OPCML: variants seen among roughly 807,000 people sequenced by gnomAD.
OPCML encodes opioid-binding protein/cell adhesion molecule.
A neutral mutation model predicts 37.8 loss-of-function variants in OPCML; 13 were observed. The observed-to-expected ratio is 0.34, with a 90% CI of 0.22 to 0.55. The LOEUF (loss-of-function observed/expected upper bound fraction) is 0.55, where lower values mean the gene tolerates loss of function less well. Ranked by LOEUF, OPCML falls within the 20% of genes least tolerant of loss-of-function variation. OPCML has a pLI of 0.91. For synonymous variants in OPCML, 176 were observed against 168.8 expected, an observed-to-expected ratio of 1.04 and a Z score of -0.33; for missense variants, 341 against 435.6, an observed-to-expected ratio of 0.78 and a Z score of 1.93.
At chr11:132,571,938 A>T (rs75823008) in intron 3 of OPCML, among the ~76,000 whole-genome samples, 8,071 of 152,126 alleles carry the variant, frequency 0.053, 421 homozygotes, top group African/African-American at 0.12. Context: ...TATTTATTTT[A>T]AAAAAATTGT....
At chr11:133,150,945 G>T (rs181835605) in intron 1 of OPCML, among the ~76,000 whole-genome samples, 2 of 152,122 alleles carry the variant, frequency 1.3e-5, no homozygotes, top group Non-Finnish European at 2.9e-5. Context: ...AACCCTTCTA[G>T]AAAGAGAGTG....
chr11:133,430,701 C>T (rs1021636564), intron 1 of OPCML, among the ~76,000 whole-genome samples: 2 of 152,184 alleles, frequency 1.3e-5, no homozygotes, highest in Non-Finnish European at 2.9e-5. Flanking sequence ...AGGGAAAGTT[C>T]AGCAAATATC....
chr11:133,035,261 T>C (rs549756546), intron 1 of OPCML, among the ~76,000 whole-genome samples: 35 of 152,334 alleles, frequency 2.3e-4, no homozygotes, highest in Non-Finnish European at 4.4e-4. Context: ...TGCCTCTTCC[T>C]AGAGAAACTT....
intron 1 of OPCML, among the ~76,000 whole-genome samples, chr11:133,202,815 G>T (rs1938857313): frequency 6.6e-6 from 1 of 152,148 alleles, no homozygotes; most frequent in Non-Finnish European, 1.5e-5. Flanking sequence ...GACATCTCTG[G>T]GTGTGCTTCT....
intron 7 of OPCML, among the ~76,000 whole-genome samples, chr11:132,426,101 A>G (rs896790767): frequency 6.6e-6 from 1 of 152,220 alleles, no homozygotes; most frequent in African/African-American, 2.4e-5. Flanking sequence ...TATAAGCTGA[A>G]ATGAAGATGC....
intron 1 of OPCML, among the ~76,000 whole-genome samples, chr11:133,433,251 C>CAAAAAAAAAAAAAAAAAAAAAAAAAAAAA (rs71477795): frequency 3.3e-5 from 3 of 90,732 alleles, no homozygotes; most frequent in African/African-American, 1.4e-4. Flanking sequence ...GACTCCGTCT[C>CAAAAAAAAAAAAAAAAAAAAAAAAAAAAA]AAAAAAAAAA....
At chr11:132,637,039 C>T (rs1158178132) in intron 3 of OPCML, among the ~76,000 whole-genome samples, 1 of 152,104 alleles carries the variant, frequency 6.6e-6, no homozygotes, top group Non-Finnish European at 1.5e-5. Flanking sequence ...CATCAACTAG[C>T]CAAGCATTTA....
At chr11:133,270,753 A>G (rs1941805148) in intron 1 of OPCML, among the ~76,000 whole-genome samples, 1 of 152,176 alleles carries the variant, frequency 6.6e-6, no homozygotes, top group African/African-American at 2.4e-5. Flanking sequence ...TTGTTCCTAT[A>G]TATCCTAACA....
chr11:133,266,162 A>G (rs1198252611), intron 1 of OPCML, among the ~76,000 whole-genome samples: 1 of 152,216 alleles, frequency 6.6e-6, no homozygotes, highest in Non-Finnish European at 1.5e-5. Context: ...ACAAGGCAAT[A>G]TAAGTCTTTA....
At position 132,691,266 on chromosome 11, in the gene OPCML, C is replaced by T. The variant is rs563864914; in HGVS notation, c.147-33947G>A. On this transcript the variant is annotated intron_variant, in intron 2 of 7. Coordinates refer to ENST00000524381, the MANE Select transcript of OPCML (RefSeq NM_001012393.5). ...ATTCAATGGCAAGAAGATATTTTTG[C>T]TCACTGTTGATACCTCCTGACCTCC... Among the ~76,000 whole-genome samples the T allele has an allele frequency of 1.2e-4, 18 of 152,302 alleles. No homozygotes were observed. The South Asian group carries it at 1.7e-3, about 14-fold the overall frequency.
At chr11:132,714,007 T>G (rs1286836162) in intron 2 of OPCML, among the ~76,000 whole-genome samples, 2 of 151,404 alleles carry the variant, frequency 1.3e-5, no homozygotes, top group Non-Finnish European at 2.9e-5. Flanking sequence ...TTATGTTATA[T>G]TCCCAGGACA....
At chr11:133,074,247 T>C (rs1399196064) in intron 1 of OPCML, among the ~76,000 whole-genome samples, 2 of 152,256 alleles carry the variant, frequency 1.3e-5, no homozygotes, top group African/African-American at 4.8e-5. Flanking sequence ...GGGCTACTTT[T>C]CTTCCCTGAC....
intron 4 of OPCML, among the ~76,000 whole-genome samples, chr11:132,464,602 G>T (rs555688788): frequency 6.6e-6 from 1 of 152,152 alleles, no homozygotes; most frequent in East Asian, 1.9e-4. Flanking sequence ...AGTTATTCTT[G>T]TTTTGATGGT....
At chr11:132,807,986 ATCTT>A (rs1402609103) in intron 2 of OPCML, among the ~76,000 whole-genome samples, 3 of 152,220 alleles carry the variant, frequency 2.0e-5, no homozygotes, top group South Asian at 2.1e-4. Flanking sequence ...GTAAATGTAG[ATCTT>A]TCTTTCTTTC....
At chr11:132,621,953 G>T (rs1159034166) in intron 3 of OPCML, among the ~76,000 whole-genome samples, 1 of 152,150 alleles carries the variant, frequency 6.6e-6, no homozygotes, top group Non-Finnish European at 1.5e-5. Context: ...TACAAGAAAA[G>T]AACTGGTTTC....
At chr11:133,170,078 T>C (rs772265153) in intron 1 of OPCML, among the ~76,000 whole-genome samples, 9 of 152,250 alleles carry the variant, frequency 5.9e-5, no homozygotes, top group Non-Finnish European at 1.2e-4. Flanking sequence ...ATATGCACTG[T>C]GAACCCTCCC....
intron 2 of OPCML, among the ~76,000 whole-genome samples, chr11:132,911,376 C>G (rs1183749774): frequency 1.3e-5 from 2 of 152,210 alleles, no homozygotes; most frequent in Non-Finnish European, 2.9e-5. Context: ...TTCTATGGTG[C>G]AGAAAGAGAC....
chr11:132,752,665 G>GT (rs11295256), intron 2 of OPCML, among the ~76,000 whole-genome samples: 3,233 of 144,946 alleles, frequency 0.022, 56 homozygotes, highest in Non-Finnish European at 0.035. Context: ...ACTCAATGTT[G>GT]TTTTTTTTTT....
At chr11:133,023,699 T>A (rs1455726393) in intron 1 of OPCML, among the ~76,000 whole-genome samples, 1 of 152,228 alleles carries the variant, frequency 6.6e-6, no homozygotes, top group African/African-American at 2.4e-5. Flanking sequence ...TAGTTTTGTA[T>A]GATAATCTAC....
Sources: allele counts gnomAD v4.1 joint callset (sites outside exome capture counted in the v4.1 genomes callset), GRCh38; gene constraint gnomAD v4.1.1; transcripts MANE v1.5; gene names NCBI Gene and HGNC (gene_info 2026-07-23, HGNC 2026-07-21).